Variants in GALNT9 observed in about 807,000 individuals in gnomAD.
The protein encoded by GALNT9 is GalNAc transferase 9.
GALNT9 carries 47 observed loss-of-function variants against 63.1 expected under a neutral mutation model. The observed-to-expected ratio is 0.75, with a 90% confidence interval of 0.59 to 0.95. The LOEUF (loss-of-function observed/expected upper bound fraction) is 0.95. GALNT9 is among the 40% of genes least tolerant of loss of function. The probability of loss-of-function intolerance (pLI) is 0.00; values close to 1 mark genes in which losing one functional copy is unlikely to be tolerated. For missense variants in GALNT9, 829 were observed against 874.8 expected (o/e 0.95, Z 0.66); for synonymous variants, 396 against 365.7 (o/e 1.08, Z -0.94).
At chr12:132,281,345 C>T (rs1555241668) in intron 2 of GALNT9, among the ~76,000 whole-genome samples, 3 of 152,126 alleles carry the variant, frequency 2.0e-5, no homozygotes, top group Admixed American at 6.5e-5. Context: ...GAGGGGCAGG[C>T]GAGGGGCCAG....
At chr12:132,210,934 T>G (rs1473979342) in intron 6 of GALNT9, among the ~76,000 whole-genome samples, 1 of 151,774 alleles carries the variant, frequency 6.6e-6, no homozygotes, top group African/African-American at 2.4e-5. Flanking sequence ...CCGGCCTGAC[T>G]CACAACAGCT....
intron 2 of GALNT9, chr12:132,280,542 G>C (rs1260038423): frequency 6.6e-6 from 1 of 152,294 alleles, no homozygotes; most frequent in African/African-American, 2.4e-5. Context: ...AGCGGTTAGG[G>C]GAACGGGGCC....
chr12:132,221,051 CA>C (rs550355613), intron 6 of GALNT9, among the ~76,000 whole-genome samples: 1,199 of 70,972 alleles, frequency 0.017, 39 homozygotes, highest in Middle Eastern at 0.062. Context: ...GAGATTGTGT[CA>C]AAAAAAAAAA....
chr12:132,308,913 G>T (rs916043748), intron 1 of GALNT9, among the ~76,000 whole-genome samples: 2 of 151,454 alleles, frequency 1.3e-5, no homozygotes, highest in Non-Finnish European at 3.0e-5. Context: ...CACGGGGCTC[G>T]GGATGGCCGC....
rs1386986877 is a variant in GALNT9 at position 132,265,022 on chromosome 12, T to G, written c.420-2397A>C. Among the ~76,000 whole-genome samples, 2 of 152,132 alleles carry G rather than the reference T, an allele frequency of 1.3e-5. No individual in the cohort carries two copies. The highest frequency in any genetic ancestry group is 2.9e-5 in the Non-Finnish European group (2 of 68,014). ...CAGGTCGTTTCCACACGCGCGGAGT[T>G]GAAGCGTTTTTATTTAACTCCCTGT... On this transcript the variant is annotated intron_variant, in intron 2 of 10. Transcript: ENST00000328957. This position sits in a 1 kb window ranked among gnomAD's most constrained non-coding sequence, Gnocchi z 5.3.
intron 6 of GALNT9, among the ~76,000 whole-genome samples, chr12:132,243,493 T>C (rs1878552770): frequency 7.0e-6 from 1 of 142,222 alleles, no homozygotes; most frequent in Admixed American, 7.3e-5. Context: ...ATCCACTCTT[T>C]GGGGAAACGA....
At chr12:132,256,316 G>A (rs374895365) in intron 5 of GALNT9, among the ~76,000 whole-genome samples, 5 of 151,832 alleles carry the variant, frequency 3.3e-5, no homozygotes, top group South Asian at 4.2e-4. Flanking sequence ...GTGTGGCTCC[G>A]AGGCTCAGCA....
chr12:132,279,437 C>G lies in GALNT9; in HGVS notation c.419+6813G>C, dbSNP rs1237535812. On this transcript the variant is annotated intron_variant, in intron 2 of 10. Transcript: ENST00000328957. This position sits in a 1 kb window ranked among gnomAD's most constrained non-coding sequence, Gnocchi z 4.1. ...CGGTTCCTCCCTGGGATCTCCCCTC[C>G]CCGAGCACAGGCTCTGCTCTGCCCA... The G allele has an allele frequency of 1.3e-5, 2 of 152,406 alleles. No homozygotes were observed. Among genetic ancestry groups the G allele is most frequent in the Non-Finnish European group, 2.9e-5 (2 of 68,208 alleles). 9.4% of individuals were successfully genotyped at this position (152,406 alleles called of 1,614,324 possible).
chr12:132,304,461 A>AC (rs1881478714), intron 1 of GALNT9, among the ~76,000 whole-genome samples: 1 of 56,180 alleles, frequency 1.8e-5, no homozygotes, highest in Non-Finnish European at 3.3e-5. Context: ...GCCCGGGCAC[A>AC]GCCTCGCCCG....
chr12:132,207,880 T>C (rs928617342), intron 6 of GALNT9, among the ~76,000 whole-genome samples: 1 of 152,012 alleles, frequency 6.6e-6, no homozygotes, highest in Non-Finnish European at 1.5e-5. Flanking sequence ...TTCCAATCCC[T>C]GCAAAACAGG....
At chr12:132,285,427 G>A (rs1237834056) in intron 2 of GALNT9, among the ~76,000 whole-genome samples, 1 of 152,246 alleles carries the variant, frequency 6.6e-6, no homozygotes, top group Non-Finnish European at 1.5e-5. Flanking sequence ...CAATTAATCT[G>A]GCGCTTGTCG....
chr12:132,258,588 T>C (rs1960107283), intron 4 of GALNT9, among the ~76,000 whole-genome samples: 1 of 151,630 alleles, frequency 6.6e-6, no homozygotes, highest in African/African-American at 2.4e-5. Context: ...ATAGAGGGAG[T>C]CTCAGAGGGT....
chr12:132,300,670 G>C (rs1448590262), intron 1 of GALNT9, among the ~76,000 whole-genome samples: 5 of 135,080 alleles, frequency 3.7e-5, no homozygotes, highest in African/African-American at 5.9e-5. Context: ...AGATGACCAA[G>C]CCACTCCTGA....
At chr12:132,312,694 G>A (rs1266189304) in intron 1 of GALNT9, among the ~76,000 whole-genome samples, 1 of 152,228 alleles carries the variant, frequency 6.6e-6, no homozygotes, top group East Asian at 1.9e-4. Flanking sequence ...GATGGGAGGG[G>A]AAACTGGCCC....
Position 132,282,412 on chromosome 12 carries a change from C to CGT in GALNT9, c.419+3836_419+3837dup, listed in dbSNP as rs1269130517. Among the ~76,000 whole-genome samples the CGT allele has an allele frequency of 6.7e-6, 1 of 148,244 alleles. No individual in the cohort carries two copies. Among genetic ancestry groups the CGT allele is most frequent in the African/African-American group, 2.4e-5 (1 of 41,226 alleles). ...AAAAATACGTGTGTGCGCGTGTGTG[C>CGT]GTGTGTGTGCGTGTGTGCGTGCATG... is the stretch of plus-strand genomic sequence containing the variant. On this transcript the variant is annotated intron_variant, in intron 2 of 10. Coordinates refer to ENST00000328957, the MANE Select transcript of GALNT9 (RefSeq NM_001122636.2). The surrounding 1 kb of genome is among the most constrained non-coding windows in gnomAD (Gnocchi z 4.5).
chr12:132,262,280 C>T lies in GALNT9; in HGVS notation c.586+179G>A, dbSNP rs143749855. 6.4e-4 allele frequency among the ~76,000 whole-genome samples: 97 copies of T among 152,278 alleles called. 1 individual carries two copies. Among genetic ancestry groups the T allele is most frequent in the Admixed American group, 1.4e-3 (21 of 15,294 alleles). ...TGGCAGCCACACACTGGGGACAGCA[C>T]GTACGCAGCCATGACAGAGGCTGGA... On this transcript the variant is annotated intron_variant, in intron 3 of 10. Coordinates refer to ENST00000328957, the MANE Select transcript of GALNT9 (RefSeq NM_001122636.2).
At chr12:132,314,524 C>T (rs1868414037) in intron 1 of GALNT9, among the ~76,000 whole-genome samples, 2 of 152,152 alleles carry the variant, frequency 1.3e-5, no homozygotes, top group African/African-American at 4.8e-5. Flanking sequence ...CCGAGGTCAC[C>T]CCATTGGGAT....
chr12:132,268,073 G>A (rs199935057), intron 2 of GALNT9, among the ~76,000 whole-genome samples: 8 of 139,926 alleles, frequency 5.7e-5, no homozygotes, highest in African/African-American at 1.6e-4. Flanking sequence ...ACGCACTCAC[G>A]CAGTCACATG....
At chr12:132,270,996 GACA>G (rs1879842242) in intron 2 of GALNT9, among the ~76,000 whole-genome samples, 1 of 151,824 alleles carries the variant, frequency 6.6e-6, no homozygotes, top group African/African-American at 2.4e-5. Context: ...GAGAGAACGA[GACA>G]ACAGCAGCAC....
Sources: gnomAD v4.1 joint callset for allele counts (sites outside exome capture counted in the v4.1 genomes callset) on GRCh38, gnomAD v4.1.1 for gene constraint, Gnocchi (gnomAD v3.1) non-coding constraint, MANE v1.5 for transcripts, NCBI Gene and HGNC (gene_info 2026-07-23, HGNC 2026-07-21) for gene names.